ANKRD13C: variants seen among roughly 807,000 people sequenced by gnomAD.
ANKRD13C encodes ankyrin repeat domain-containing protein 13C.
In ANKRD13C, 16 loss-of-function variants were observed where a neutral mutation model predicts 65.5. The ratio of observed to expected loss-of-function variants is 0.24; its 90% CI spans 0.17 to 0.37. The LOEUF is 0.37. Ranked by LOEUF, ANKRD13C falls within the 10% of genes least tolerant of loss-of-function variation. The pLI, the probability that ANKRD13C is intolerant of heterozygous loss-of-function variation, is 1.00. For missense variants in ANKRD13C, 503 were observed against 655.9 expected, an observed-to-expected ratio of 0.77 and a Z score of 2.55; for synonymous variants, 235 against 238.7, an observed-to-expected ratio of 0.98 and a Z score of 0.14.
chr1:70,289,315 C>A (rs945628535), intron 9 of ANKRD13C, among the ~76,000 whole-genome samples: 5 of 152,146 alleles, frequency 3.3e-5, no homozygotes, highest in Non-Finnish European at 7.3e-5. Context: ...CATCCGGTTA[C>A]AACCTCTGCC....
At chr1:70,289,866 A>G (rs1248283304) in intron 9 of ANKRD13C, among the ~76,000 whole-genome samples, 1 of 152,188 alleles carries the variant, frequency 6.6e-6, no homozygotes, top group Non-Finnish European at 1.5e-5. Flanking sequence ...TTTAAATCAC[A>G]ATATAAGTCC....
intron 1 of ANKRD13C, among the ~76,000 whole-genome samples, chr1:70,345,655 T>A: frequency 6.6e-6 from 1 of 152,156 alleles, no homozygotes; most frequent in East Asian, 1.9e-4. Flanking sequence ...AAAACCGTAT[T>A]TGGCAATATC....
At chr1:70,352,542 G>A (rs1267930216) in intron 1 of ANKRD13C, among the ~76,000 whole-genome samples, 1 of 152,004 alleles carries the variant, frequency 6.6e-6, no homozygotes, top group African/African-American at 2.4e-5. Context: ...CTTTCAAAGG[G>A]AGTTAACTCT....
chr1:70,292,611 A>G (rs1679908557), intron 8 of ANKRD13C, 62 bp from the exon 9 acceptor site: 5 of 1,232,544 alleles, frequency 4.1e-6, no homozygotes, highest in Non-Finnish European at 5.7e-6. Flanking sequence ...TCAAGGTAAT[A>G]TATTTTTCCA....
At chr1:70,262,873 A>G in intron 12 of ANKRD13C, 26 bp from the exon 13 acceptor site, 1 of 1,592,342 alleles carries the variant, frequency 6.3e-7, no homozygotes, top group Non-Finnish European at 8.6e-7. Flanking sequence ...CAATGATAGC[A>G]TTGTAAAATC....
chr1:70,339,148 T>A (rs960651307), intron 1 of ANKRD13C, among the ~76,000 whole-genome samples: 3 of 149,656 alleles, frequency 2.0e-5, no homozygotes, highest in Admixed American at 6.7e-5. Context: ...TGGCAGAGGT[T>A]GCAGTAAGCC....
intron 1 of ANKRD13C, among the ~76,000 whole-genome samples, chr1:70,348,950 T>C (rs1682638922): frequency 6.6e-6 from 1 of 152,162 alleles, no homozygotes; most frequent in African/African-American, 2.4e-5. Flanking sequence ...GCTTGAGCAA[T>C]TCATATGTTC....
rs190632674 is a variant in ANKRD13C at position 70,295,409 on chromosome 1, G to A, written c.1053+721C>T. ...ATTACAGGTATGCACCACCACGCCC[G>A]GGTAATTTTTGTATTTTTAGTAGAG... is the stretch of plus-strand genomic sequence containing the variant. On this transcript the variant is annotated intron_variant, in intron 8 of 12. Transcript: ENST00000370944. 5.4e-3 allele frequency among the ~76,000 whole-genome samples: 814 copies of A among 151,904 alleles called. 9 individuals carry two copies. Among genetic ancestry groups the A allele is most frequent in the African/African-American group, 0.018 (755 of 41,450 alleles).
chr1:70,296,020 A>G, intron 8 of ANKRD13C, 110 bp downstream of exon 8: 1 of 1,300,460 alleles, frequency 7.7e-7, no homozygotes. Context: ...AGAGAAAAAA[A>G]CTACTTGGAG....
At chr1:70,278,500 A>G (rs1164796964) in intron 9 of ANKRD13C, among the ~76,000 whole-genome samples, 2 of 152,068 alleles carry the variant, frequency 1.3e-5, no homozygotes, top group African/African-American at 2.4e-5. Context: ...CAGCCTGGGA[A>G]ACAGAGCGAC....
At chr1:70,348,590 G>A (rs1682626727) in intron 1 of ANKRD13C, among the ~76,000 whole-genome samples, 1 of 152,066 alleles carries the variant, frequency 6.6e-6, no homozygotes, top group African/African-American at 2.4e-5. Context: ...TAATCTTTCT[G>A]AAATTGAGAT....
rs1680121931 is a variant in ANKRD13C at position 70,297,280 on chromosome 1, C to A, written c.922-1019G>T. Among the ~76,000 whole-genome samples, 4 of 133,934 alleles carry A rather than the reference C, an allele frequency of 3.0e-5. No homozygotes were observed. In the South Asian group the frequency reaches 1.0e-3, roughly 35 times the overall value. The allele number at this position is 133,934 out of a possible 152,430, so 87.9% of individuals were successfully genotyped here. A position where few individuals can be genotyped will look rare whatever the true frequency, so the allele number is the denominator to read the frequency against. On this transcript the variant is annotated intron_variant, in intron 7 of 12. Transcript: ENST00000370944. ...TCTAACTTTAACCTACATAGAGTCC[C>A]TTTCTGATTTTTTTTTTTTTTTTTT...
intron 5 of ANKRD13C, among the ~76,000 whole-genome samples, chr1:70,309,818 G>T (rs1018783191): frequency 6.6e-6 from 1 of 151,356 alleles, no homozygotes; most frequent in East Asian, 1.9e-4. Flanking sequence ...TAGAGAATTA[G>T]TTTTTTAGTT....
Position 70,274,665 on chromosome 1 carries a change from C to T in ANKRD13C, c.1394+55G>A, listed in dbSNP as rs558073523. The stretch of plus-strand genomic sequence containing the variant: ...CACTGGGGTGCAAATATTATTACAG[C>T]CTTTAGGGTTTAATAGTTTCTTTCA... On this transcript the variant is annotated intron_variant, in intron 11 of 12. Transcript: ENST00000370944. The T allele has an allele frequency of 3.2e-5, 42 of 1,318,394 alleles. No individual in the cohort carries two copies. The African/African-American group carries it at 5.8e-4, about 18-fold the overall frequency. The allele number at this position is 1,318,394 out of a possible 1,614,324, so 81.7% of individuals were successfully genotyped here.
At chr1:70,307,120 GT>G (rs1680621220) in intron 5 of ANKRD13C, among the ~76,000 whole-genome samples, 1 of 152,142 alleles carries the variant, frequency 6.6e-6, no homozygotes, top group Non-Finnish European at 1.5e-5. Flanking sequence ...AAAATTTAGT[GT>G]TTTTAAAATG....
chr1:70,306,726 GAC>G (rs1430521624), intron 5 of ANKRD13C, among the ~76,000 whole-genome samples: 1 of 152,158 alleles, frequency 6.6e-6, no homozygotes, highest in East Asian at 1.9e-4. Flanking sequence ...TTTGAAGTGA[GAC>G]AGTTAAATTT....
Position 70,306,267 on chromosome 1 carries a change from G to A in ANKRD13C, c.733C>T (p.Pro245Ser). Residue 245 changes from proline (P) to serine (S), a missense_variant, in exon 6 of 13, where the codon CCT (proline) becomes TCT (serine). Coordinates refer to ENST00000370944, the MANE Select transcript of ANKRD13C (RefSeq NM_030816.5). ...SWVPLLSRIL[P>S]SDACKIYKQG... Reference sequence around the variant, plus strand: ...TTGTATATTTTACATGCATCGGAAGGCAGAATTCGGGAAAGTAAAGGCACT... The same window carrying A: ...TTGTATATTTTACATGCATCGGAAGACAGAATTCGGGAAAGTAAAGGCACT... The A allele has an allele frequency of 6.3e-7, 1 of 1,578,144 alleles. No homozygotes were observed. The highest frequency in any genetic ancestry group is 1.7e-4 in the Middle Eastern group (1 of 5,906).
intron 7 of ANKRD13C, among the ~76,000 whole-genome samples, chr1:70,299,280 T>A (rs1391946147): frequency 6.6e-6 from 1 of 151,968 alleles, no homozygotes; most frequent in Non-Finnish European, 1.5e-5. Context: ...AATAGTAAGG[T>A]AAGAAAAAGG....
chr1:70,321,373 T>C (rs1184230736), intron 3 of ANKRD13C, among the ~76,000 whole-genome samples: 2 of 152,154 alleles, frequency 1.3e-5, no homozygotes, highest in East Asian at 1.9e-4. Context: ...CAAAAAGAAA[T>C]TTAAAATTGA....
Sources: gnomAD v4.1 joint callset for allele counts (sites outside exome capture counted in the v4.1 genomes callset) on GRCh38, gnomAD v4.1.1 for gene constraint, MANE v1.5 for transcripts, NCBI Gene and HGNC (gene_info 2026-07-23, HGNC 2026-07-21) for gene names.